LPP: variants seen among roughly 807,000 people sequenced by gnomAD.
LPP encodes the protein LIM domain containing preferred translocation partner in lipoma, also known as lipoma-preferred partner.
LPP carries 38 observed loss-of-function variants against 60.4 expected under a neutral mutation model. The observed-to-expected ratio is 0.63, with a 90% confidence interval of 0.49 to 0.83. The LOEUF is 0.83. Ranked by LOEUF, LPP falls within the 40% of genes least tolerant of loss-of-function variation. LPP has a pLI of 0.00. For missense variants in LPP, 902 were observed against 783.6 expected (o/e 1.15, Z -1.80); for synonymous variants, 328 against 290.8 (o/e 1.13, Z -1.30).
intron 1 of LPP, among the ~76,000 whole-genome samples, chr3:188,162,835 G>A (rs144166368): frequency 5.2e-4 from 79 of 152,168 alleles, no homozygotes; most frequent in Non-Finnish European, 9.7e-4. Context: ...TGTGCTTGTG[G>A]GGCTGAAAGG....
At chr3:188,330,976 A>G (rs984794059) in intron 2 of LPP, among the ~76,000 whole-genome samples, 29 of 152,146 alleles carry the variant, frequency 1.9e-4, no homozygotes, top group African/African-American at 7.0e-4. Flanking sequence ...TACTTTCACC[A>G]GAAGACCATT....
chr3:188,649,543 G>A (rs562881198), intron 7 of LPP, among the ~76,000 whole-genome samples: 4 of 151,748 alleles, frequency 2.6e-5, no homozygotes, highest in South Asian at 2.1e-4. Context: ...AGTGATAACC[G>A]CAGGTGAAAC....
At chr3:188,804,122 T>C (rs1317174921) in intron 9 of LPP, among the ~76,000 whole-genome samples, 2 of 150,446 alleles carry the variant, frequency 1.3e-5, no homozygotes, top group African/African-American at 4.9e-5. Context: ...ATAGATAAGA[T>C]TGATCTTTGT....
At chr3:188,227,251 T>C (rs113872769) in intron 2 of LPP, among the ~76,000 whole-genome samples, 2,543 of 151,746 alleles carry the variant, frequency 0.017, 65 homozygotes, top group African/African-American at 0.056. Flanking sequence ...GTTAGTTACA[T>C]ATGTATACAT....
chr3:188,158,142 C>T (rs1016873627), intron 1 of LPP, among the ~76,000 whole-genome samples: 2 of 152,010 alleles, frequency 1.3e-5, no homozygotes, highest in African/African-American at 4.8e-5. Context: ...GGCATAGTAC[C>T]ACTTTTAGTC....
chr3:188,609,053 TAAA>T lies in LPP; in HGVS notation c.430-107_430-105del, dbSNP rs1843074876. On this transcript the variant is annotated intron_variant, in intron 6 of 11. Coordinates refer to ENST00000617246, the MANE Select transcript of LPP (RefSeq NM_001375462.1). This position sits in a 1 kb window ranked among gnomAD's most constrained non-coding sequence, Gnocchi z 6.9. ...GCCTTATTTGTGTTCTACATAGTAA[TAAA>T]TAATAATTAGCAGTTATTAATATTT... The T allele has an allele frequency of 2.4e-6, 2 of 829,988 alleles. No homozygotes were observed. The highest frequency in any genetic ancestry group is 3.5e-5 in the African/African-American group (2 of 57,360). The allele number at this position is 829,988 out of a possible 1,614,324, so 51.4% of individuals were successfully genotyped here. A position where few individuals can be genotyped will look rare whatever the true frequency, so the allele number is the denominator to read the frequency against.
intron 2 of LPP, among the ~76,000 whole-genome samples, chr3:188,297,684 C>T (rs1441771834): frequency 2.0e-5 from 3 of 152,154 alleles, no homozygotes; most frequent in East Asian, 3.9e-4. Context: ...ATACAAAAGT[C>T]ATTATCAAAG....
At chr3:188,443,738 T>C (rs1794590102) in intron 4 of LPP, among the ~76,000 whole-genome samples, 1 of 152,218 alleles carries the variant, frequency 6.6e-6, no homozygotes, top group South Asian at 2.1e-4. Flanking sequence ...GTTCCAGTTA[T>C]AGCTATACCA....
chr3:188,389,578 C>T (rs1406447144), intron 3 of LPP, among the ~76,000 whole-genome samples: 1 of 152,062 alleles, frequency 6.6e-6, no homozygotes, highest in Non-Finnish European at 1.5e-5. Flanking sequence ...GAGTTCGAGA[C>T]CAGCCTGGCC....
At chr3:188,631,472 C>T (rs555849521) in intron 7 of LPP, among the ~76,000 whole-genome samples, 8 of 152,194 alleles carry the variant, frequency 5.3e-5, no homozygotes, top group South Asian at 4.2e-4. Context: ...TCAAGTCAGC[C>T]GTGCATTTAT....
At chr3:188,547,227 A>T (rs1826889353) in intron 6 of LPP, among the ~76,000 whole-genome samples, 1 of 152,220 alleles carries the variant, frequency 6.6e-6, no homozygotes, top group African/African-American at 2.4e-5. Flanking sequence ...CTGCAAATGC[A>T]TTCCCTCCTT....
At chr3:188,193,891 T>A (rs1029282857) in intron 1 of LPP, among the ~76,000 whole-genome samples, 5 of 152,222 alleles carry the variant, frequency 3.3e-5, no homozygotes, top group African/African-American at 1.2e-4. Context: ...GTGGATAGTT[T>A]TTAATTTGAC....
At chr3:188,751,360 G>A (rs1020772036) in intron 8 of LPP, among the ~76,000 whole-genome samples, 1 of 152,160 alleles carries the variant, frequency 6.6e-6, no homozygotes, top group African/African-American at 2.4e-5. Flanking sequence ...GGTTCTAACT[G>A]TACTAGTAAA....
intron 9 of LPP, among the ~76,000 whole-genome samples, chr3:188,802,558 G>A (rs1172669866): frequency 1.3e-5 from 2 of 152,174 alleles, no homozygotes; most frequent in East Asian, 1.9e-4. Context: ...CGAGGTGGGT[G>A]GATCACCTGA....
intron 4 of LPP, among the ~76,000 whole-genome samples, chr3:188,416,747 C>G (rs1433021922): frequency 6.6e-6 from 1 of 152,090 alleles, no homozygotes; most frequent in Non-Finnish European, 1.5e-5. Context: ...CAGAAAATTT[C>G]AAACAACAAC....
At chr3:188,538,679 T>C (rs1824316235) in intron 6 of LPP, among the ~76,000 whole-genome samples, 1 of 152,218 alleles carries the variant, frequency 6.6e-6, no homozygotes, top group African/African-American at 2.4e-5. Flanking sequence ...TATTTCTATT[T>C]ATGTATCCAA....
At chr3:188,231,918 T>A (rs1252542084) in intron 2 of LPP, among the ~76,000 whole-genome samples, 1 of 152,184 alleles carries the variant, frequency 6.6e-6, no homozygotes, top group African/African-American at 2.4e-5. Context: ...AAATCAATAT[T>A]ACACGGCTCA....
chr3:188,377,043 T>C (rs1775338205), intron 3 of LPP, among the ~76,000 whole-genome samples: 1 of 152,252 alleles, frequency 6.6e-6, no homozygotes, highest in South Asian at 2.1e-4. Context: ...CCCCGCTCTC[T>C]TCTGGCTTGT....
chr3:188,649,669 T>C (rs1851723906), intron 7 of LPP, among the ~76,000 whole-genome samples: 1 of 152,028 alleles, frequency 6.6e-6, no homozygotes. Context: ...TTTTTATTAT[T>C]ATATAAAGCC....
Sources: allele counts gnomAD v4.1 joint callset (sites outside exome capture counted in the v4.1 genomes callset), GRCh38; gene constraint gnomAD v4.1.1; non-coding constraint Gnocchi (gnomAD v3.1); transcripts MANE v1.5; gene names NCBI Gene and HGNC (gene_info 2026-07-23, HGNC 2026-07-21).